ADGRL2: variants seen among roughly 807,000 people sequenced by gnomAD.
The protein encoded by ADGRL2 is adhesion G protein-coupled receptor L2.
A neutral mutation model predicts 157.4 loss-of-function variants in ADGRL2; 44 were observed. The observed-to-expected ratio is 0.28, with a 90% CI of 0.22 to 0.36. The LOEUF (loss-of-function observed/expected upper bound fraction) is 0.36. Ranked by LOEUF, ADGRL2 falls within the 10% of genes least tolerant of loss-of-function variation. The pLI is 1.00. For synonymous variants in ADGRL2, 585 were observed against 624.7 expected, an observed-to-expected ratio of 0.94 and a Z score of 0.95; for missense variants, 1,510 against 1,768.9, an observed-to-expected ratio of 0.85 and a Z score of 2.63.
intron 1 of ADGRL2, among the ~76,000 whole-genome samples, chr1:81,381,707 C>G (rs2076348248): frequency 6.6e-6 from 1 of 152,040 alleles, no homozygotes; most frequent in Admixed American, 6.6e-5. Context: ...TACATTGATT[C>G]GCCATTTTTG....
At chr1:81,454,091 TTTG>T (rs759489803) in intron 2 of ADGRL2, among the ~76,000 whole-genome samples, 77 of 152,270 alleles carry the variant, frequency 5.1e-4, no homozygotes, top group Non-Finnish European at 9.9e-4. Flanking sequence ...CAGAGAAAGT[TTTG>T]ATGCTATTTT....
chr1:81,603,904 A>G (rs2081381204), intron 3 of ADGRL2, among the ~76,000 whole-genome samples: 1 of 152,190 alleles, frequency 6.6e-6, no homozygotes, highest in South Asian at 2.1e-4. Flanking sequence ...CAAATGAATC[A>G]AATGAATGTG....
chr1:81,345,257 T>G (rs1310648524), intron 1 of ADGRL2, among the ~76,000 whole-genome samples: 1 of 152,140 alleles, frequency 6.6e-6, no homozygotes, highest in Non-Finnish European at 1.5e-5. Flanking sequence ...TATTAATAGA[T>G]GCAAGTCACT....
intron 1 of ADGRL2, among the ~76,000 whole-genome samples, chr1:81,375,865 T>C (rs946663784): frequency 3.9e-5 from 6 of 152,172 alleles, no homozygotes; most frequent in African/African-American, 1.4e-4. Flanking sequence ...TTTTTTTTTT[T>C]CAAAATGCTT....
intron 1 of ADGRL2, among the ~76,000 whole-genome samples, chr1:81,820,603 T>TTTTAA (rs1282824780): frequency 3.3e-5 from 5 of 152,100 alleles, no homozygotes; most frequent in Non-Finnish European, 5.9e-5. Context: ...TTTTCTATTT[T>TTTTAA]TTAAATTAGA....
intron 1 of ADGRL2, among the ~76,000 whole-genome samples, chr1:81,338,269 C>T (rs1042368693): frequency 1.3e-5 from 2 of 152,008 alleles, no homozygotes; most frequent in Non-Finnish European, 1.5e-5. Context: ...AGGCTAAGGC[C>T]CAAGAATCTC....
intron 1 of ADGRL2, among the ~76,000 whole-genome samples, chr1:81,318,215 C>G (rs991214738): frequency 5.9e-5 from 9 of 152,024 alleles, no homozygotes; most frequent in African/African-American, 2.2e-4. Flanking sequence ...AAAAATACAC[C>G]TGTACAGCTG....
intron 1 of ADGRL2, among the ~76,000 whole-genome samples, chr1:81,346,764 A>G (rs1662511062): frequency 6.6e-6 from 1 of 152,208 alleles, no homozygotes; most frequent in Non-Finnish European, 1.5e-5. Context: ...CTCTAGAACT[A>G]TGAGAAATAA....
chr1:81,313,839 T>A (rs1659923329), intron 1 of ADGRL2, among the ~76,000 whole-genome samples: 1 of 152,152 alleles, frequency 6.6e-6, no homozygotes, highest in South Asian at 2.1e-4. Flanking sequence ...TGCCATTGAT[T>A]TTTTTCTGGT....
intron 3 of ADGRL2, among the ~76,000 whole-genome samples, chr1:81,667,944 A>G (rs1169199436): frequency 6.6e-6 from 1 of 152,186 alleles, no homozygotes; most frequent in Non-Finnish European, 1.5e-5. Flanking sequence ...TATAATGTCT[A>G]ACTCTCTCAG....
At chr1:81,449,687 G>T (rs1026084108) in intron 2 of ADGRL2, among the ~76,000 whole-genome samples, 1 of 152,180 alleles carries the variant, frequency 6.6e-6, no homozygotes, top group Non-Finnish European at 1.5e-5. Flanking sequence ...CTGCAGCCTT[G>T]ACCTTCCAGG....
chr1:81,648,298 A>G (rs1290398288), intron 3 of ADGRL2, among the ~76,000 whole-genome samples: 1 of 152,146 alleles, frequency 6.6e-6, no homozygotes, highest in African/African-American at 2.4e-5. Flanking sequence ...GACTCCCTCA[A>G]TTTATAGATT....
chr1:81,374,672 A>G lies in ADGRL2; in HGVS notation c.-302+68163A>G, dbSNP rs558835808. 2.0e-5 allele frequency among the ~76,000 whole-genome samples: 3 copies of G among 152,102 alleles called. No individual in the cohort carries two copies. The East Asian group carries it at 5.8e-4, about 29-fold the overall frequency. On this transcript the variant is annotated intron_variant, in intron 1 of 24. Transcript: ENST00000370721. The stretch of plus-strand genomic sequence containing the variant: ...ACTGGCAATTCTGGCGGTCCTGGGC[A>G]ATTCAAGTGTGTGCACTTCCTGACT...
At chr1:81,670,576 T>C (rs1415453064) in intron 3 of ADGRL2, among the ~76,000 whole-genome samples, 1 of 151,854 alleles carries the variant, frequency 6.6e-6, no homozygotes, top group Non-Finnish European at 1.5e-5. Flanking sequence ...AGAAAATAGG[T>C]GAAAAGGAAG....
chr1:81,959,695 G>A (rs576431022), intron 11 of ADGRL2, among the ~76,000 whole-genome samples: 3 of 151,772 alleles, frequency 2.0e-5, no homozygotes, highest in Admixed American at 6.6e-5. Flanking sequence ...ATAACAAAAC[G>A]TTTCAAAAGA....
At chr1:81,341,876 A>C (rs1662101209) in intron 1 of ADGRL2, among the ~76,000 whole-genome samples, 1 of 152,192 alleles carries the variant, frequency 6.6e-6, no homozygotes, top group Non-Finnish European at 1.5e-5. Context: ...AAACAAATAC[A>C]AATTCAAATT....
chr1:81,504,612 A>C (rs1457774606), intron 2 of ADGRL2, among the ~76,000 whole-genome samples: 1 of 151,952 alleles, frequency 6.6e-6, no homozygotes, highest in East Asian at 1.9e-4. Flanking sequence ...CCCAGTGAGG[A>C]GGTGGGTGGA....
At chr1:81,565,871 A>G (rs1014782300) in intron 2 of ADGRL2, among the ~76,000 whole-genome samples, 1 of 152,146 alleles carries the variant, frequency 6.6e-6, no homozygotes. Context: ...ATAAGGATCT[A>G]TTGATTAGAA....
intron 10 of ADGRL2, among the ~76,000 whole-genome samples, chr1:81,954,846 G>C (rs1378498282): frequency 6.6e-6 from 1 of 152,102 alleles, no homozygotes; most frequent in African/African-American, 2.4e-5. Context: ...AGTACCTCAC[G>C]CTAGCAATTT....
Sources: gnomAD v4.1 joint callset for allele counts (sites outside exome capture counted in the v4.1 genomes callset) on GRCh38, gnomAD v4.1.1 for gene constraint, MANE v1.5 for transcripts, NCBI Gene and HGNC (gene_info 2026-07-23, HGNC 2026-07-21) for gene names.